Variants in BMPER observed in about 807,000 individuals in gnomAD.
The protein encoded by BMPER is BMP binding endothelial regulator.
In BMPER, 45 loss-of-function variants were observed where a neutral mutation model predicts 87.3. The observed-to-expected ratio is 0.52, with a 90% CI of 0.41 to 0.66. The LOEUF (loss-of-function observed/expected upper bound fraction) is 0.66, where lower values mean the gene tolerates loss of function less well. Ranked by LOEUF, BMPER falls within the 30% of genes least tolerant of loss-of-function variation. The pLI, the probability that BMPER is intolerant of heterozygous loss-of-function variation, is 0.00. For missense variants in BMPER, 784 were observed against 867.5 expected (o/e 0.90, Z 1.21); for synonymous variants, 326 against 316.2 (o/e 1.03, Z -0.33).
chr7:34,088,330 A>ATG (rs1399232188), intron 13 of BMPER, among the ~76,000 whole-genome samples: 2 of 152,222 alleles, frequency 1.3e-5, no homozygotes, highest in Non-Finnish European at 2.9e-5. Flanking sequence ...CTCACAGTCC[A>ATG]ACAGGAGGAT....
At chr7:34,108,322 C>G (rs1162787283) in intron 13 of BMPER, among the ~76,000 whole-genome samples, 2 of 152,174 alleles carry the variant, frequency 1.3e-5, no homozygotes, top group African/African-American at 4.8e-5. Context: ...TGCATCATAA[C>G]CTTAGATAAG....
intron 6 of BMPER, among the ~76,000 whole-genome samples, chr7:33,998,891 A>G (rs1037763934): frequency 4.6e-5 from 7 of 152,222 alleles, no homozygotes; most frequent in African/African-American, 1.7e-4. Flanking sequence ...TTCTTCCAAG[A>G]AGGTGAAGTT....
At chr7:34,025,886 G>GAAC (rs778072100) in intron 6 of BMPER, among the ~76,000 whole-genome samples, 3 of 151,968 alleles carry the variant, frequency 2.0e-5, no homozygotes, top group Non-Finnish European at 4.4e-5. Context: ...TCAGAAGCTG[G>GAAC]AACAGGTCTA....
intron 3 of BMPER, among the ~76,000 whole-genome samples, chr7:33,950,260 A>G (rs1292314945): frequency 6.6e-6 from 1 of 152,150 alleles, no homozygotes; most frequent in Non-Finnish European, 1.5e-5. Context: ...CTGATGTCTC[A>G]TATGCAAAGT....
intron 12 of BMPER, among the ~76,000 whole-genome samples, chr7:34,081,643 T>G (rs756484115): frequency 6.6e-6 from 1 of 152,250 alleles, no homozygotes; most frequent in Non-Finnish European, 1.5e-5. Flanking sequence ...AAATATTTCC[T>G]TTCTACCATC....
At chr7:34,110,357 C>T (rs549052945) in intron 13 of BMPER, among the ~76,000 whole-genome samples, 15 of 152,220 alleles carry the variant, frequency 9.9e-5, no homozygotes, top group African/African-American at 2.6e-4. Flanking sequence ...GGTGAGGGTA[C>T]GGAACAGGAG....
chr7:34,028,088 C>T (rs1490000993), intron 6 of BMPER, among the ~76,000 whole-genome samples: 1 of 152,016 alleles, frequency 6.6e-6, no homozygotes, highest in African/African-American at 2.4e-5. Context: ...CACAATTATA[C>T]AAAATTGCTA....
chr7:34,119,378 A>T (rs1345346), intron 13 of BMPER, among the ~76,000 whole-genome samples: 1 of 152,154 alleles, frequency 6.6e-6, no homozygotes, highest in African/African-American at 2.4e-5. Flanking sequence ...GAAATTTTGT[A>T]TTCTGCTTTT....
At chr7:34,025,037 A>G (rs1787319683) in intron 6 of BMPER, among the ~76,000 whole-genome samples, 1 of 152,078 alleles carries the variant, frequency 6.6e-6, no homozygotes, top group Non-Finnish European at 1.5e-5. Context: ...CTTGTAAGCA[A>G]TGATTCAGGT....
Position 34,097,156 on chromosome 7 carries a change from G to A in BMPER, c.1745+11064G>A, listed in dbSNP as rs73112330. ...GGTGACTTCTAGGCCAAAACCAAAA[G>A]CATATGTAGGGTTTAGCTGGACAAA... On this transcript the variant is annotated intron_variant, in intron 13 of 14. Transcript: ENST00000649409. Among the ~76,000 whole-genome samples, 1,161 of 152,320 alleles carry A rather than the reference G, an allele frequency of 7.6e-3. 4 individuals are homozygous for A. The highest frequency in any genetic ancestry group is 0.013 in the Non-Finnish European group (870 of 68,024).
At chr7:34,089,658 A>G (rs1271930311) in intron 13 of BMPER, among the ~76,000 whole-genome samples, 1 of 151,698 alleles carries the variant, frequency 6.6e-6, no homozygotes, top group Non-Finnish European at 1.5e-5. Context: ...TAATTTCTGT[A>G]TTTTTAGTAG....
intron 13 of BMPER, among the ~76,000 whole-genome samples, chr7:34,086,547 A>G (rs898705071): frequency 1.3e-5 from 2 of 152,184 alleles, no homozygotes; most frequent in African/African-American, 4.8e-5. Flanking sequence ...GGTCTGCCTT[A>G]TGGTCTAGCC....
chr7:34,081,982 A>G (rs1446768916), intron 12 of BMPER, among the ~76,000 whole-genome samples: 1 of 152,206 alleles, frequency 6.6e-6, no homozygotes, highest in Admixed American at 6.5e-5. Flanking sequence ...AACAAAAACC[A>G]CAAAAAACCC....
chr7:33,959,022 C>T (rs191801638), intron 3 of BMPER, among the ~76,000 whole-genome samples: 4 of 152,254 alleles, frequency 2.6e-5, no homozygotes, highest in Admixed American at 6.5e-5. Flanking sequence ...CTCTCTCCTG[C>T]CGCCATGTGA....
At chr7:34,147,642 G>A (rs1791064823) in intron 14 of BMPER, among the ~76,000 whole-genome samples, 1 of 152,002 alleles carries the variant, frequency 6.6e-6, no homozygotes, top group South Asian at 2.1e-4. Context: ...GGCTAATTTT[G>A]TATTTTTAGT....
At chr7:34,121,959 A>G (rs956268110) in intron 13 of BMPER, among the ~76,000 whole-genome samples, 1 of 148,698 alleles carries the variant, frequency 6.7e-6, no homozygotes, top group African/African-American at 2.5e-5. Context: ...CATCTCTACA[A>G]TTTTTTTTTT....
In BMPER at chr7:34,047,795, C is replaced by CTTCCTTCCTTCCTTCCTTCCTTCCTTCA; in HGVS notation, c.676+1404_676+1405insCCTTCCTTCCTTCATTCCTTCCTTCCTT. On this transcript the variant is annotated intron_variant, in intron 7 of 14. Coordinates refer to ENST00000649409, the MANE Select transcript of BMPER (RefSeq NM_001365308.1). ...TATTTCTCTTGATTTTCTTTCCTTCCTTCCTTCCTTCCTTTCTTCCTCACT... is the reference window on the plus strand; with the variant it reads ...TATTTCTCTTGATTTTCTTTCCTTCCTTCCTTCCTTCCTTCCTTCCTTCCTTCATTCCTTCCTTCCTTTCTTCCTCACT... Among the ~76,000 whole-genome samples the CTTCCTTCCTTCCTTCCTTCCTTCCTTCA allele has an allele frequency of 3.9e-4, 13 of 33,464 alleles. 4 individuals are homozygous for CTTCCTTCCTTCCTTCCTTCCTTCCTTCA. The highest frequency in any genetic ancestry group is 6.2e-4 in the Non-Finnish European group (10 of 16,046). 22.0% of individuals were successfully genotyped at this position (33,464 alleles called of 152,430 possible).
intron 13 of BMPER, among the ~76,000 whole-genome samples, chr7:34,112,477 G>A (rs1283119440): frequency 3.1e-5 from 4 of 129,074 alleles, no homozygotes; most frequent in African/African-American, 1.2e-4. Flanking sequence ...CCTGGGCGAC[G>A]GAGCGAGACT....
intron 2 of BMPER, among the ~76,000 whole-genome samples, chr7:33,920,426 T>TTTTTC (rs1784196750): frequency 7.3e-6 from 1 of 137,240 alleles, no homozygotes; most frequent in Admixed American, 7.4e-5. Flanking sequence ...TTGTGTTTTT[T>TTTTTC]TTTTTTTTTT....
Sources: gnomAD v4.1 joint callset for allele counts (sites outside exome capture counted in the v4.1 genomes callset) on GRCh38, gnomAD v4.1.1 for gene constraint, MANE v1.5 for transcripts, NCBI Gene and HGNC (gene_info 2026-07-23, HGNC 2026-07-21) for gene names.